PRKCE: variants seen among roughly 807,000 people sequenced by gnomAD.
The protein encoded by PRKCE is protein kinase C epsilon type.
PRKCE carries 16 observed loss-of-function variants against 85.4 expected under a neutral mutation model. The ratio of observed to expected loss-of-function variants is 0.19; its 90% CI spans 0.13 to 0.28. PRKCE has a LOEUF of 0.28. PRKCE is among the 10% of genes least tolerant of loss of function. The pLI, the probability that PRKCE is intolerant of heterozygous loss-of-function variation, is 1.00. For missense variants in PRKCE, 573 were observed against 975.2 expected (o/e 0.59, Z 5.49); for synonymous variants, 388 against 371.5 (o/e 1.04, Z -0.51).
chr2:45,938,910 G>C lies in PRKCE; in HGVS notation c.413-37519G>C, dbSNP rs147808499. 9.3e-4 allele frequency among the ~76,000 whole-genome samples: 142 copies of C among 152,230 alleles called. 1 individual carries two copies. In the East Asian group the frequency reaches 0.025, roughly 27 times the overall value. ...GTTACACATGGTGGGCACCTCATTC[G>C]TAACTCTTTCTAGCACATTCAGCGC... On this transcript the variant is annotated intron_variant, in intron 2 of 14. Transcript: ENST00000306156.
chr2:45,729,680 G>A (rs893828613), intron 1 of PRKCE, among the ~76,000 whole-genome samples: 1 of 152,180 alleles, frequency 6.6e-6, no homozygotes, highest in African/African-American at 2.4e-5. Context: ...TATCCTCCAT[G>A]GGGGCTTATT....
chr2:45,736,396 T>C (rs1682063799), intron 1 of PRKCE, among the ~76,000 whole-genome samples: 1 of 152,182 alleles, frequency 6.6e-6, no homozygotes, highest in African/African-American at 2.4e-5. Context: ...GCAGGGCTGG[T>C]GTTCCTGTGA....
intron 1 of PRKCE, among the ~76,000 whole-genome samples, chr2:45,662,836 T>C (rs1224331906): frequency 2.0e-5 from 3 of 151,236 alleles, no homozygotes; most frequent in Admixed American, 6.6e-5. Flanking sequence ...CTCTGTATCA[T>C]TAAGCCACTC....
At chr2:45,998,129 G>A (rs557558795) in intron 6 of PRKCE, among the ~76,000 whole-genome samples, 27 of 152,236 alleles carry the variant, frequency 1.8e-4, no homozygotes, top group Non-Finnish European at 2.1e-4. Context: ...TTCTGTCACC[G>A]AATGAAGTTG....
chr2:45,873,161 G>A (rs1300688042), intron 2 of PRKCE, among the ~76,000 whole-genome samples: 1 of 152,162 alleles, frequency 6.6e-6, no homozygotes, highest in Non-Finnish European at 1.5e-5. Context: ...ATATTGGACG[G>A]CCACTTCCTA....
intron 10 of PRKCE, among the ~76,000 whole-genome samples, chr2:46,067,427 G>A (rs1284599429): frequency 6.6e-6 from 1 of 152,218 alleles, no homozygotes; most frequent in African/African-American, 2.4e-5. Flanking sequence ...AGGCAGAGGT[G>A]ACAGGAGTAC....
intron 14 of PRKCE, among the ~76,000 whole-genome samples, chr2:46,181,886 G>A (rs888346429): frequency 2.0e-5 from 3 of 152,064 alleles, no homozygotes; most frequent in African/African-American, 7.3e-5. Flanking sequence ...TCCTCAGTGT[G>A]GTGAGTGCCA....
intron 2 of PRKCE, among the ~76,000 whole-genome samples, chr2:45,862,461 C>T (rs577061284): frequency 7.2e-5 from 11 of 152,290 alleles, no homozygotes; most frequent in African/African-American, 2.4e-4. Context: ...CATCTTTTTT[C>T]TTGGTGTCAG....
At chr2:45,970,406 A>G (rs769331647) in intron 2 of PRKCE, among the ~76,000 whole-genome samples, 1 of 152,202 alleles carries the variant, frequency 6.6e-6, no homozygotes, top group Non-Finnish European at 1.5e-5. Flanking sequence ...GTTGATACAT[A>G]GCCCTTTGTG....
At chr2:46,174,207 G>T (rs573470693) in intron 14 of PRKCE, among the ~76,000 whole-genome samples, 1 of 152,230 alleles carries the variant, frequency 6.6e-6, no homozygotes, top group African/African-American at 2.4e-5. Context: ...TTGTCCCTAC[G>T]ACTACAGGGG....
intron 11 of PRKCE, among the ~76,000 whole-genome samples, chr2:46,104,181 A>G (rs1262202492): frequency 6.6e-6 from 1 of 151,838 alleles, no homozygotes; most frequent in African/African-American, 2.4e-5. Flanking sequence ...ATCATCTGGC[A>G]TTGCTTTGGA....
In PRKCE at chr2:46,185,062, C is replaced by T. The variant is rs1680357872; in HGVS notation, c.*181C>T. The T allele has an allele frequency of 1.3e-6, 1 of 755,610 alleles. No individual in the cohort carries two copies. Among genetic ancestry groups the T allele is most frequent in the African/African-American group, 1.8e-5 (1 of 56,770 alleles). 46.8% of individuals were successfully genotyped at this position (755,610 alleles called of 1,614,324 possible). A position where few individuals can be genotyped will look rare whatever the true frequency, so the allele number is the denominator to read the frequency against. The stretch of plus-strand genomic sequence containing the variant: ...ACCTCCTCCCCCTCCCACCTGGTGA[C>T]CAGAAGGCGCTCTCGGTTCTTGTCT... On this transcript the variant is annotated 3_prime_UTR_variant, in exon 15 of 15. Coordinates refer to ENST00000306156, the MANE Select transcript of PRKCE (RefSeq NM_005400.3). The surrounding 1 kb of genome is among the most constrained non-coding windows in gnomAD (Gnocchi z 4.7).
At chr2:46,011,222 G>C (rs979224338) in intron 10 of PRKCE, among the ~76,000 whole-genome samples, 1 of 152,136 alleles carries the variant, frequency 6.6e-6, no homozygotes, top group African/African-American at 2.4e-5. Context: ...ATGGATGTTT[G>C]TAGTATTTTG....
chr2:46,018,755 T>C (rs894715951), intron 10 of PRKCE, among the ~76,000 whole-genome samples: 1 of 152,278 alleles, frequency 6.6e-6, no homozygotes, highest in African/African-American at 2.4e-5. Flanking sequence ...ATCAGTATCA[T>C]ACTCTATGTA....
At chr2:45,927,499 C>A in intron 2 of PRKCE, among the ~76,000 whole-genome samples, 1 of 152,178 alleles carries the variant, frequency 6.6e-6, no homozygotes, top group Non-Finnish European at 1.5e-5. Context: ...CCACAGGCAT[C>A]CAGGTCTGCC....
chr2:45,799,819 C>T (rs912153444), intron 1 of PRKCE, among the ~76,000 whole-genome samples: 1 of 152,102 alleles, frequency 6.6e-6, no homozygotes, highest in Non-Finnish European at 1.5e-5. Flanking sequence ...GAAGTAGTTA[C>T]CAGAATCAGG....
At chr2:46,163,159 A>G (rs1677944684) in intron 14 of PRKCE, among the ~76,000 whole-genome samples, 1 of 152,274 alleles carries the variant, frequency 6.6e-6, no homozygotes, top group South Asian at 2.1e-4. Flanking sequence ...TCTGTGCTGC[A>G]TAAGCAGAGT....
rs1675185082 is a variant in PRKCE at position 45,652,759 on chromosome 2, G to A, written c.348+311G>A. Among the ~76,000 whole-genome samples the A allele has an allele frequency of 6.6e-6, 1 of 152,180 alleles. No homozygotes were observed. The highest frequency in any genetic ancestry group is 1.5e-5 in the Non-Finnish European group (1 of 68,026). ...GGTGCTGAAGGTTGGCCGAGGACCC[G>A]GCTTTCTTCCGCAGGCGCGTGGTGG... On this transcript the variant is annotated intron_variant, in intron 1 of 14. Transcript: ENST00000306156. This position sits in a 1 kb window ranked among gnomAD's most constrained non-coding sequence, Gnocchi z 7.7.
intron 11 of PRKCE, among the ~76,000 whole-genome samples, chr2:46,129,427 A>AT (rs149746994): frequency 2.0e-5 from 3 of 152,132 alleles, no homozygotes; most frequent in East Asian, 1.9e-4. Context: ...ACGTTATTTT[A>AT]TTTTTTTTAT....
Sources: allele counts gnomAD v4.1 joint callset (sites outside exome capture counted in the v4.1 genomes callset), GRCh38; gene constraint gnomAD v4.1.1; non-coding constraint Gnocchi (gnomAD v3.1); transcripts MANE v1.5; gene names NCBI Gene and HGNC (gene_info 2026-07-23, HGNC 2026-07-21).